SLCO3A1: variants seen among roughly 807,000 people sequenced by gnomAD.
SLCO3A1 encodes the protein PGE1 transporter.
SLCO3A1 carries 27 observed loss-of-function variants against 63.1 expected under a neutral mutation model. That is an observed-to-expected ratio of 0.43 (90% CI 0.32 to 0.59). The LOEUF (loss-of-function observed/expected upper bound fraction) is 0.59, where lower values mean the gene tolerates loss of function less well. Among genes scored for constraint, SLCO3A1 ranks in the 20% least tolerant of loss-of-function variants. The probability of loss-of-function intolerance (pLI) is 0.09; values close to 1 mark genes in which losing one functional copy is unlikely to be tolerated. For missense variants in SLCO3A1, 773 were observed against 945.8 expected (o/e 0.82, Z 2.40); for synonymous variants, 473 against 409.9 (o/e 1.15, Z -1.86).
intron 1 of SLCO3A1, among the ~76,000 whole-genome samples, chr15:91,876,843 G>A (rs1045948597): frequency 1.3e-5 from 2 of 152,378 alleles, no homozygotes; most frequent in Non-Finnish European, 2.9e-5. Flanking sequence ...GCCTATGGTA[G>A]AGGGACTGCC....
rs1899871120 is a variant in SLCO3A1, at chr15:91,948,064, G to A, written c.646+31606G>A. Among the ~76,000 whole-genome samples, 1 of 152,184 alleles carries A rather than the reference G, an allele frequency of 6.6e-6. No individual in the cohort carries two copies. Among genetic ancestry groups the A allele is most frequent in the Admixed American group, 6.5e-5 (1 of 15,276 alleles). ...AGCAGAATTCAGATGACAGATAGACGAATGGAGATAAAATAGAGATTGACT... is the reference window on the plus strand; with the variant it reads ...AGCAGAATTCAGATGACAGATAGACAAATGGAGATAAAATAGAGATTGACT... On this transcript the variant is annotated intron_variant, in intron 2 of 9. Transcript: ENST00000318445. The surrounding 1 kb of genome is among the most constrained non-coding windows in gnomAD (Gnocchi z 4.8).
At chr15:92,114,199 A>G (rs1168461281) in intron 4 of SLCO3A1, among the ~76,000 whole-genome samples, 1 of 152,222 alleles carries the variant, frequency 6.6e-6, no homozygotes, top group Non-Finnish European at 1.5e-5. Flanking sequence ...GTTTCCACCC[A>G]GACAGTGAAC....
chr15:92,161,061 G>C (rs1223250758), intron 9 of SLCO3A1, among the ~76,000 whole-genome samples: 1 of 152,174 alleles, frequency 6.6e-6, no homozygotes, highest in Non-Finnish European at 1.5e-5. Flanking sequence ...TCTAGGACTA[G>C]CTCTGCAAGG....
chr15:92,040,522 G>T (rs2046784816), intron 2 of SLCO3A1, among the ~76,000 whole-genome samples: 1 of 152,190 alleles, frequency 6.6e-6, no homozygotes, highest in Admixed American at 6.5e-5. Context: ...CCCAGGAAAT[G>T]GGTAGTGGCC....
intron 2 of SLCO3A1, among the ~76,000 whole-genome samples, chr15:92,013,600 T>G (rs147141226): frequency 2.2e-3 from 341 of 152,326 alleles, no homozygotes; most frequent in Middle Eastern, 0.01. Context: ...ACTTAAAGTA[T>G]TAAGAAGAGA....
intron 2 of SLCO3A1, among the ~76,000 whole-genome samples, chr15:92,019,257 C>A (rs1597227125): frequency 6.6e-6 from 1 of 152,230 alleles, no homozygotes; most frequent in African/African-American, 2.4e-5. Context: ...GCTCTGTGAC[C>A]CTGGGCAAGC....
At chr15:91,880,586 T>A (rs1200365181) in intron 1 of SLCO3A1, among the ~76,000 whole-genome samples, 1 of 152,146 alleles carries the variant, frequency 6.6e-6, no homozygotes, top group Non-Finnish European at 1.5e-5. Context: ...ATTTTACGAA[T>A]GTTACTTAAA....
intron 2 of SLCO3A1, among the ~76,000 whole-genome samples, chr15:92,092,632 C>T (rs539013296): frequency 1.2e-4 from 19 of 152,192 alleles, no homozygotes; most frequent in African/African-American, 4.3e-4. Flanking sequence ...GCTTCTGACT[C>T]GGACAACTGT....
chr15:91,951,377 A>G (rs946935113), intron 2 of SLCO3A1, among the ~76,000 whole-genome samples: 3 of 152,128 alleles, frequency 2.0e-5, no homozygotes, highest in African/African-American at 7.2e-5. Flanking sequence ...GTTTATTCAC[A>G]TTATTGGTAG....
chr15:92,051,769 T>G (rs928898203), intron 2 of SLCO3A1, among the ~76,000 whole-genome samples: 1 of 152,172 alleles, frequency 6.6e-6, no homozygotes, highest in African/African-American at 2.4e-5. Context: ...AGATTAACTC[T>G]TCAAAGAAGA....
intron 4 of SLCO3A1, among the ~76,000 whole-genome samples, chr15:92,117,474 A>G (rs17597602): frequency 0.54 from 81,984 of 152,084 alleles, 25,029 homozygotes; most frequent in Non-Finnish European, 0.69. Flanking sequence ...CAGCCTGCCT[A>G]TTTGACATTG....
intron 2 of SLCO3A1, among the ~76,000 whole-genome samples, chr15:91,947,206 G>A (rs566164361): frequency 2.0e-5 from 3 of 152,198 alleles, no homozygotes; most frequent in Non-Finnish European, 4.4e-5. Context: ...CCTCCCTCCT[G>A]GGTGCACCTC....
intron 2 of SLCO3A1, among the ~76,000 whole-genome samples, chr15:92,090,903 A>T (rs871167): frequency 1.3e-5 from 2 of 152,058 alleles, no homozygotes; most frequent in Admixed American, 6.5e-5. Context: ...AAGTCGATCT[A>T]TTGTTACCCC....
chr15:92,118,796 A>C (rs1290831461), intron 4 of SLCO3A1, among the ~76,000 whole-genome samples: 1 of 151,488 alleles, frequency 6.6e-6, no homozygotes, highest in East Asian at 1.9e-4. Context: ...TTCTGTTTGC[A>C]TAGGTGGAAA....
chr15:91,925,172 T>C (rs897749279), intron 2 of SLCO3A1, among the ~76,000 whole-genome samples: 1 of 152,272 alleles, frequency 6.6e-6, no homozygotes, highest in Non-Finnish European at 1.5e-5. Context: ...TTTCCTCTAA[T>C]AACATGCGTA....
chr15:92,024,730 G>A (rs2046550113), intron 2 of SLCO3A1, among the ~76,000 whole-genome samples: 1 of 152,192 alleles, frequency 6.6e-6, no homozygotes, highest in Non-Finnish European at 1.5e-5. Context: ...GAATTAGTGG[G>A]AATGAAGTGT....
At chr15:92,118,535 A>G (rs2047822899) in intron 4 of SLCO3A1, among the ~76,000 whole-genome samples, 1 of 152,190 alleles carries the variant, frequency 6.6e-6, no homozygotes, top group Non-Finnish European at 1.5e-5. Flanking sequence ...TAACATTATT[A>G]AAAACTTATG....
rs1179597591 is a variant in SLCO3A1 at position 91,856,497 on chromosome 15, G to A, written c.180+2409G>A. 2.0e-5 allele frequency among the ~76,000 whole-genome samples: 3 copies of A among 152,106 alleles called. No homozygotes were observed. Among genetic ancestry groups the A allele is most frequent in the Non-Finnish European group, 2.9e-5 (2 of 68,010 alleles). On this transcript the variant is annotated intron_variant, in intron 1 of 9. Coordinates refer to ENST00000318445, the MANE Select transcript of SLCO3A1 (RefSeq NM_013272.4). The surrounding 1 kb of genome is among the most constrained non-coding windows in gnomAD (Gnocchi z 4.9). ...CTCTTCATCTGTTATTTGGGAGATG[G>A]GGAAAAAAAGTTTGCTCCTTCAGCC...
intron 2 of SLCO3A1, among the ~76,000 whole-genome samples, chr15:92,003,214 C>T (rs576496159): frequency 5.9e-5 from 9 of 152,260 alleles, no homozygotes; most frequent in South Asian, 2.1e-4. Context: ...TGCCTGGAAC[C>T]GTGCTGAGCA....
Sources: allele counts gnomAD v4.1 joint callset (sites outside exome capture counted in the v4.1 genomes callset), GRCh38; gene constraint gnomAD v4.1.1; non-coding constraint Gnocchi (gnomAD v3.1); transcripts MANE v1.5; gene names NCBI Gene and HGNC (gene_info 2026-07-23, HGNC 2026-07-21).